SLC38A10: variants seen among roughly 807,000 people sequenced by gnomAD.
SLC38A10 encodes solute carrier family 38 member 10, also known as Sodium-coupled neutral amino acid transporter 10.
SLC38A10 carries 53 observed loss-of-function variants against 81.0 expected under a neutral mutation model. The ratio of observed to expected loss-of-function variants is 0.65; its 90% CI spans 0.53 to 0.82. The LOEUF (loss-of-function observed/expected upper bound fraction) is 0.82, where lower values mean the gene tolerates loss of function less well. Among genes scored for constraint, SLC38A10 ranks in the 40% least tolerant of loss-of-function variants. The pLI is 0.00. For missense variants in SLC38A10, 1,471 were observed against 1,545.0 expected, an observed-to-expected ratio of 0.95 and a Z score of 0.80; for synonymous variants, 665 against 655.3, an observed-to-expected ratio of 1.01 and a Z score of -0.23.
chr17:81,268,998 A>C (rs1372953679), intron 10 of SLC38A10, among the ~76,000 whole-genome samples: 1 of 152,276 alleles, frequency 6.6e-6, no homozygotes, highest in African/African-American at 2.4e-5. Context: ...TACAAAGCCA[A>C]CTTTAAGGAG....
At chr17:81,290,914 G>A (rs1420416646) in intron 1 of SLC38A10, among the ~76,000 whole-genome samples, 1 of 152,184 alleles carries the variant, frequency 6.6e-6, no homozygotes, top group Non-Finnish European at 1.5e-5. Context: ...GCTGAGGCAG[G>A]AGAATCACTT....
At position 81,277,581 on chromosome 17, in the gene SLC38A10, G is replaced by A. The variant is rs769750647; in HGVS notation, c.627-448C>T. On this transcript the variant is annotated intron_variant, in intron 6 of 15. Transcript: ENST00000374759. The surrounding 1 kb of genome is among the most constrained non-coding windows in gnomAD (Gnocchi z 4.5). ...CCTCCGCACAGGCATGATCAGAGTC[G>A]GCACAGACAAGGAGGCGGCCTGGGG... 1.3e-5 allele frequency among the ~76,000 whole-genome samples: 2 copies of A among 152,206 alleles called. No individual in the cohort carries two copies. The highest frequency in any genetic ancestry group is 2.9e-5 in the Non-Finnish European group (2 of 68,034).
At chr17:81,280,972 G>A (rs112914950) in intron 5 of SLC38A10, among the ~76,000 whole-genome samples, 2,261 of 152,238 alleles carry the variant, frequency 0.015, 50 homozygotes, top group African/African-American at 0.051. Context: ...TTCATCCCGC[G>A]GGCACCAGAG....
At chr17:81,257,647 C>G (rs537954582) in intron 11 of SLC38A10, among the ~76,000 whole-genome samples, 13 of 152,378 alleles carry the variant, frequency 8.5e-5, no homozygotes, top group Admixed American at 2.6e-4. Flanking sequence ...CCTGAGCACA[C>G]AGAACTGTGG....
rs766233164 is a variant in SLC38A10, at chr17:81,282,316, C to A, written c.374G>T (p.Arg125Leu). The change falls in exon 5 of 16, where the codon CGC becomes CTC. Residue 125 changes from arginine to leucine, a missense_variant. Physicochemically the swap from Arg to Leu is moderately radical, Grantham distance 102. Transcript: ENST00000374759. ...LFGFQVGGTF[R>L]MFLLFAVSLC... ...CGACACGGCGAACAGCAGGAACATG[C>A]GGAAGGTGCCGCCCACCTGCGGGGA... The A allele has an allele frequency of 3.1e-6, 5 of 1,612,106 alleles. No individual in the cohort carries two copies. Among genetic ancestry groups the A allele is most frequent in the South Asian group, 2.2e-5 (2 of 90,990 alleles).
In SLC38A10 at chr17:81,253,083, G is replaced by A. The variant is rs755497210; in HGVS notation, c.1446C>T (p.Arg482=). The A allele has an allele frequency of 6.2e-7, 1 of 1,613,070 alleles. No homozygotes were observed. The highest frequency in any genetic ancestry group is 8.5e-7 in the Non-Finnish European group (1 of 1,179,988). Residue 482 remains arginine, a synonymous_variant, in exon 12 of 16, where the codon CGC becomes CGT. Coordinates refer to ENST00000374759, the MANE Select transcript of SLC38A10 (RefSeq NM_001037984.3). This position sits in a 1 kb window ranked among gnomAD's most constrained non-coding sequence, Gnocchi z 4.1. ...GCCAGTGCCCAGCACCTTGCCCAGG[G>A]CGATCGAGCTGTGCCTCCTCCGGTG... is the stretch of plus-strand genomic sequence containing the variant. ...KEAPEEAQLD[R]PGQGIAVPVG... is the part of the protein sequence containing the mutation.
chr17:81,272,657 A>G (rs2063127698), intron 8 of SLC38A10, 30 bp from the exon 9 acceptor site: 1 of 1,460,748 alleles, frequency 6.8e-7, no homozygotes. Context: ...AAGGTTTTGA[A>G]ATGACTGATT....
At chr17:81,250,894 T>G in intron 14 of SLC38A10, 1 of 1,111,944 alleles carries the variant, frequency 9.0e-7, no homozygotes, top group Non-Finnish European at 1.1e-6. Context: ...CAGAGCAAGT[T>G]TTATTCTCAG....
intron 1 of SLC38A10, among the ~76,000 whole-genome samples, chr17:81,290,421 C>T (rs753511914): frequency 3.3e-5 from 5 of 152,154 alleles, no homozygotes; most frequent in Non-Finnish European, 5.9e-5. Flanking sequence ...GAATATTAGT[C>T]AGCAGGAAAA....
chr17:81,277,707 C>T lies in SLC38A10; in HGVS notation c.627-574G>A, dbSNP rs995685660. Among the ~76,000 whole-genome samples, 1 of 152,156 alleles carries T rather than the reference C, an allele frequency of 6.6e-6. No homozygotes were observed. Among genetic ancestry groups the T allele is most frequent in the Non-Finnish European group, 1.5e-5 (1 of 68,024 alleles). ...GTGGTGCTGCTAGGGGTGGGAGGGA[C>T]CCAAGCCACCAGCCAGGCAAGGACA... On this transcript the variant is annotated intron_variant, in intron 6 of 15. Transcript: ENST00000374759. This position sits in a 1 kb window ranked among gnomAD's most constrained non-coding sequence, Gnocchi z 4.5.
In SLC38A10 at chr17:81,272,542, A is replaced by G; in HGVS notation, c.998T>C (p.Met333Thr). ...ALTLSVVFGTMVGGILIPNVE... is the reference protein window; with the variant it reads ...ALTLSVVFGTTVGGILIPNVE... ...GTTGGGGATAAGGATGCCACCAACC[A>G]TGGTTCCAAACACCACAGAGAGGGT... is the stretch of plus-strand genomic sequence containing the variant. Residue 333 changes from methionine (M) to threonine (T), a missense_variant, in exon 9 of 16, where the codon ATG becomes ACG. Met to Thr is a moderately conservative substitution (Grantham distance 81). Around this residue, in one of 2 missense-constraint regions of SLC38A10, gnomAD observed 720 missense variants for 827.7 expected, o/e 0.87. Coordinates refer to ENST00000374759, the MANE Select transcript of SLC38A10 (RefSeq NM_001037984.3). The G allele has an allele frequency of 6.3e-7, 1 of 1,598,706 alleles. No homozygotes were observed. Among genetic ancestry groups the G allele is most frequent in the Non-Finnish European group, 8.5e-7 (1 of 1,173,666 alleles).
intron 6 of SLC38A10, chr17:81,280,005 T>G (rs1249889202): frequency 2.9e-6 from 1 of 347,670 alleles, no homozygotes; most frequent in Non-Finnish European, 5.9e-6. Context: ...GCCCCCCGCA[T>G]GCCGATGGTC....
intron 1 of SLC38A10, among the ~76,000 whole-genome samples, chr17:81,293,370 C>T (rs2063324796): frequency 6.6e-6 from 1 of 152,378 alleles, no homozygotes; most frequent in Admixed American, 6.5e-5. Flanking sequence ...GCATGTAGCC[C>T]TGTCTTCCCC....
intron 9 of SLC38A10, 138 bp from the exon 10 acceptor site, chr17:81,271,162 C>T (rs1487716360): frequency 2.9e-5 from 20 of 693,562 alleles, no homozygotes; most frequent in Middle Eastern, 2.6e-4. Context: ...GGAGCAGAGA[C>T]GCCCTCTGTG....
In SLC38A10 at chr17:81,276,460, C is replaced by T. The variant is rs549645398; in HGVS notation, c.730-309G>A. On this transcript the variant is annotated intron_variant, in intron 7 of 15. Coordinates refer to ENST00000374759, the MANE Select transcript of SLC38A10 (RefSeq NM_001037984.3). The surrounding 1 kb of genome is among the most constrained non-coding windows in gnomAD (Gnocchi z 4.7). Reference sequence around the variant, plus strand: ...GAGTGCAGTGGTGCGATCTTGGCCTCGGCGTACCTCTGCCTCCCCGGTCCT... The same window carrying T: ...GAGTGCAGTGGTGCGATCTTGGCCTTGGCGTACCTCTGCCTCCCCGGTCCT... 1.1e-4 allele frequency among the ~76,000 whole-genome samples: 16 copies of T among 150,680 alleles called. No individual in the cohort carries two copies. The highest frequency in any genetic ancestry group is 4.2e-4 in the South Asian group (2 of 4,772).
chr17:81,261,285 C>T (rs958162187), intron 10 of SLC38A10, among the ~76,000 whole-genome samples: 3 of 152,268 alleles, frequency 2.0e-5, no homozygotes, highest in Non-Finnish European at 4.4e-5. Flanking sequence ...ACTGGGCCCA[C>T]TCCTCCCCAG....
chr17:81,275,605 G>A (rs1425438438), intron 8 of SLC38A10, among the ~76,000 whole-genome samples: 5 of 150,398 alleles, frequency 3.3e-5, no homozygotes, highest in South Asian at 2.1e-4. Context: ...GGTGGCGCGC[G>A]CCTGTAGTCC....
At chr17:81,247,737 G>C (rs1294423988) in intron 14 of SLC38A10, 1 of 151,818 alleles carries the variant, frequency 6.6e-6, no homozygotes, top group African/African-American at 2.4e-5. Context: ...GCTACTCGGG[G>C]GGCAGAGGCC....
In SLC38A10 at chr17:81,277,487, A is replaced by C. The variant is rs555383546; in HGVS notation, c.627-354T>G. Among the ~76,000 whole-genome samples, 3 of 152,366 alleles carry C rather than the reference A, an allele frequency of 2.0e-5. No individual in the cohort carries two copies. The South Asian group carries it at 6.2e-4, about 32-fold the overall frequency. On this transcript the variant is annotated intron_variant, in intron 6 of 15. Transcript: ENST00000374759. This position sits in a 1 kb window ranked among gnomAD's most constrained non-coding sequence, Gnocchi z 4.5. ...GGCTGCTCAGAGAATCGCTGTCAAG[A>C]GGAGGGAAAGTTAAACAAACACACC...
Sources: allele counts gnomAD v4.1 joint callset (sites outside exome capture counted in the v4.1 genomes callset), GRCh38; gene constraint gnomAD v4.1.1; regional missense constraint gnomAD v4.1.1; non-coding constraint Gnocchi (gnomAD v3.1); transcripts MANE v1.5; gene names NCBI Gene and HGNC (gene_info 2026-07-23, HGNC 2026-07-21).